DIS3L2: variants seen among roughly 807,000 people sequenced by gnomAD.
DIS3L2 encodes DIS3 like 3'-5' exoribonuclease 2.
DIS3L2 carries 34 observed loss-of-function variants against 97.5 expected under a neutral mutation model. The ratio of observed to expected loss-of-function variants is 0.35; its 90% CI spans 0.27 to 0.46. The LOEUF (loss-of-function observed/expected upper bound fraction) is 0.46. DIS3L2 is among the 20% of genes least tolerant of loss of function. DIS3L2 has a pLI of 1.00. For synonymous variants in DIS3L2, 435 were observed against 445.2 expected, an observed-to-expected ratio of 0.98 and a Z score of 0.29; for missense variants, 1,038 against 1,146.0, an observed-to-expected ratio of 0.91 and a Z score of 1.36.
At chr2:232,277,533 T>C (rs900522398) in intron 13 of DIS3L2, among the ~76,000 whole-genome samples, 1 of 152,160 alleles carries the variant, frequency 6.6e-6, no homozygotes, top group African/African-American at 2.4e-5. Context: ...CTTTTATTAT[T>C]TTATTATAAA....
intron 13 of DIS3L2, among the ~76,000 whole-genome samples, chr2:232,274,774 G>T (rs1301059557): frequency 6.6e-6 from 1 of 152,182 alleles, no homozygotes; most frequent in East Asian, 1.9e-4. Context: ...TCTTTAAAAA[G>T]CCAGTTACCA....
intron 13 of DIS3L2, among the ~76,000 whole-genome samples, chr2:232,273,440 T>C (rs1304043851): frequency 6.6e-6 from 1 of 152,182 alleles, no homozygotes; most frequent in Non-Finnish European, 1.5e-5. Context: ...GGAGAGTGGA[T>C]TGTAGCTCTA....
At chr2:232,202,309 A>G (rs1179411151) in intron 9 of DIS3L2, among the ~76,000 whole-genome samples, 2 of 152,168 alleles carry the variant, frequency 1.3e-5, no homozygotes, top group Admixed American at 6.5e-5. Context: ...GTGGCAGGAG[A>G]ACCGCTTGAA....
At chr2:232,118,429 C>G (rs1299287472) in intron 6 of DIS3L2, among the ~76,000 whole-genome samples, 1 of 152,116 alleles carries the variant, frequency 6.6e-6, no homozygotes, top group African/African-American at 2.4e-5. Flanking sequence ...TTTTGTGAGT[C>G]TTCTTTATAA....
At chr2:232,097,031 G>A (rs923782650) in intron 6 of DIS3L2, among the ~76,000 whole-genome samples, 3 of 152,160 alleles carry the variant, frequency 2.0e-5, no homozygotes, top group African/African-American at 7.2e-5. Context: ...TGTAGTGTTC[G>A]TGGTCTAGGC....
intron 5 of DIS3L2, among the ~76,000 whole-genome samples, chr2:232,078,107 A>C (rs1696271137): frequency 6.8e-6 from 1 of 147,950 alleles, no homozygotes; most frequent in Non-Finnish European, 1.5e-5. Context: ...GCAGTGGCAT[A>C]ATCTTGGCTC....
At chr2:232,243,240 C>T (rs1559171567) in intron 11 of DIS3L2, among the ~76,000 whole-genome samples, 1 of 152,068 alleles carries the variant, frequency 6.6e-6, no homozygotes, top group African/African-American at 2.4e-5. Flanking sequence ...GCATTCCAGG[C>T]AGAGGCTAGA....
chr2:232,142,506 A>C (rs1015717456), intron 8 of DIS3L2, among the ~76,000 whole-genome samples: 11 of 151,994 alleles, frequency 7.2e-5, no homozygotes, highest in Admixed American at 7.2e-4. Context: ...ATAACCATCA[A>C]CCTCCTCTTA....
intron 13 of DIS3L2, among the ~76,000 whole-genome samples, chr2:232,277,704 CAG>C (rs1319357609): frequency 1.3e-5 from 2 of 152,230 alleles, no homozygotes; most frequent in Admixed American, 1.3e-4. Flanking sequence ...TGCTTAATGA[CAG>C]GGACACATTC....
intron 14 of DIS3L2, among the ~76,000 whole-genome samples, chr2:232,309,071 C>T (rs533058498): frequency 3.9e-4 from 59 of 152,184 alleles, no homozygotes; most frequent in Non-Finnish European, 8.5e-4. Flanking sequence ...AGACAGTATG[C>T]ATCCCAGGGC....
intron 1 of DIS3L2, among the ~76,000 whole-genome samples, chr2:231,967,706 T>C (rs72985635): frequency 0.011 from 1,713 of 152,322 alleles, 19 homozygotes; most frequent in Non-Finnish European, 0.016. Context: ...ATTTATTTTC[T>C]TTATGTTTCA....
At chr2:232,343,359 G>A (rs1420882848) in exon 14 of DIS3L2, 48 of 1,556,554 alleles carry the variant, frequency 3.1e-5, no homozygotes, top group Non-Finnish European at 3.9e-5. Context: ...ACGCAGACAA[G>A]GATGGGGCTG....
chr2:232,083,294 C>CGA (rs1559608804), intron 5 of DIS3L2, among the ~76,000 whole-genome samples: 3 of 143,186 alleles, frequency 2.1e-5, no homozygotes, highest in East Asian at 2.2e-4. Flanking sequence ...CCCCCCCCCC[C>CGA]CACATATACA....
At chr2:232,216,716 T>C (rs1692345973) in intron 10 of DIS3L2, among the ~76,000 whole-genome samples, 1 of 152,162 alleles carries the variant, frequency 6.6e-6, no homozygotes, top group South Asian at 2.1e-4. Context: ...GAAGGAAAAG[T>C]TGAAAACACA....
intron 1 of DIS3L2, among the ~76,000 whole-genome samples, chr2:231,991,881 C>T (rs1279775591): frequency 6.6e-6 from 1 of 152,176 alleles, no homozygotes; most frequent in Non-Finnish European, 1.5e-5. Context: ...CCACTGTGTG[C>T]TAGCCCTTCC....
intron 7 of DIS3L2, chr2:232,130,989 C>G (rs1698201573): frequency 2.6e-6 from 1 of 388,780 alleles, no homozygotes; most frequent in Admixed American, 4.4e-5. Flanking sequence ...TTAAACCACA[C>G]TTGTAATGCA....
chr2:232,012,915 T>C (rs1044729722), intron 1 of DIS3L2, among the ~76,000 whole-genome samples: 2 of 152,234 alleles, frequency 1.3e-5, no homozygotes, highest in African/African-American at 4.8e-5. Context: ...TTTATGCAAA[T>C]GACTGGCTAA....
intron 9 of DIS3L2, among the ~76,000 whole-genome samples, chr2:232,175,889 T>G (rs907509135): frequency 6.6e-6 from 1 of 152,114 alleles, no homozygotes; most frequent in Admixed American, 6.5e-5. Context: ...CTTCCTAGAA[T>G]TTTTTATTTT....
intron 8 of DIS3L2, among the ~76,000 whole-genome samples, chr2:232,146,382 C>G (rs188159663): frequency 6.6e-6 from 1 of 152,250 alleles, no homozygotes; most frequent in African/African-American, 2.4e-5. Context: ...ATGCTTTTAG[C>G]AGCAAATTAT....
Sources: allele counts gnomAD v4.1 joint callset (sites outside exome capture counted in the v4.1 genomes callset), GRCh38; gene constraint gnomAD v4.1.1; transcripts MANE v1.5; gene names NCBI Gene and HGNC (gene_info 2026-07-23, HGNC 2026-07-21).